IKZF3: variants seen among roughly 807,000 people sequenced by gnomAD.
The protein encoded by IKZF3 is IKAROS family zinc finger 3.
A neutral mutation model predicts 49.0 loss-of-function variants in IKZF3; 10 were observed. The ratio of observed to expected loss-of-function variants is 0.20; its 90% CI spans 0.13 to 0.35. The LOEUF is 0.35. IKZF3 is among the 10% of genes least tolerant of loss of function. The probability of loss-of-function intolerance (pLI) is 1.00; values close to 1 mark genes in which losing one functional copy is unlikely to be tolerated. For missense variants in IKZF3, 498 were observed against 664.8 expected (o/e 0.75, Z 2.76); for synonymous variants, 209 against 228.2 (o/e 0.92, Z 0.76).
chr17:39,837,038 C>A (rs987852959), intron 1 of IKZF3, among the ~76,000 whole-genome samples: 1 of 151,968 alleles, frequency 6.6e-6, no homozygotes, highest in Admixed American at 6.6e-5. Context: ...CTCAAGCAAT[C>A]CTCCCACCTC....
chr17:39,858,570 G>C (rs1303764449), intron 1 of IKZF3, among the ~76,000 whole-genome samples: 2 of 151,978 alleles, frequency 1.3e-5, no homozygotes, highest in African/African-American at 2.4e-5. Flanking sequence ...GAGTGCAGTG[G>C]CGCGATCTTG....
At chr17:39,768,192 G>C (rs946463216) in intron 7 of IKZF3, among the ~76,000 whole-genome samples, 1 of 152,180 alleles carries the variant, frequency 6.6e-6, no homozygotes, top group Non-Finnish European at 1.5e-5. Flanking sequence ...GCATCGGTGA[G>C]ACAATTTGGT....
intron 2 of IKZF3, 70 bp downstream of exon 2, chr17:39,832,028 G>A: frequency 1.8e-6 from 2 of 1,136,330 alleles, no homozygotes; most frequent in Admixed American, 3.8e-5. Flanking sequence ...ACCAGAATAA[G>A]CACATTCCTC....
chr17:39,859,912 C>T (rs2144593921), intron 1 of IKZF3, among the ~76,000 whole-genome samples: 1 of 152,240 alleles, frequency 6.6e-6, no homozygotes, highest in Admixed American at 6.5e-5. Context: ...GGAACTATAG[C>T]TTGACATATG....
chr17:39,810,822 A>G lies in IKZF3; in HGVS notation c.164-17889T>C, dbSNP rs563863761. ...ATTGGGACTGTATCTCCTAATGAGAAGGATAGAGAGGAAATAAGTTATGAA... is the reference window on the plus strand; with the variant it reads ...ATTGGGACTGTATCTCCTAATGAGAGGGATAGAGAGGAAATAAGTTATGAA... On this transcript the variant is annotated intron_variant, in intron 3 of 7. Coordinates refer to ENST00000346872, the MANE Select transcript of IKZF3 (RefSeq NM_012481.5). Among the ~76,000 whole-genome samples, 4 of 152,346 alleles carry G rather than the reference A, an allele frequency of 2.6e-5. No individual in the cohort carries two copies. The South Asian group carries it at 8.3e-4, about 32-fold the overall frequency.
At chr17:39,796,048 G>A (rs902499037) in intron 3 of IKZF3, among the ~76,000 whole-genome samples, 1 of 151,664 alleles carries the variant, frequency 6.6e-6, no homozygotes. Flanking sequence ...TCTCAAAAAA[G>A]ATAAAATAAA....
intron 3 of IKZF3, among the ~76,000 whole-genome samples, chr17:39,805,481 G>T (rs919790807): frequency 1.3e-5 from 2 of 152,126 alleles, no homozygotes; most frequent in Non-Finnish European, 2.9e-5. Flanking sequence ...GAAGACTCTT[G>T]TTCTTTTTAG....
chr17:39,804,754 A>T (rs1427924042), intron 3 of IKZF3, among the ~76,000 whole-genome samples: 1 of 151,862 alleles, frequency 6.6e-6, no homozygotes, highest in Non-Finnish European at 1.5e-5. Flanking sequence ...TGCTTTTTAA[A>T]TCTCTTTCCT....
intron 3 of IKZF3, among the ~76,000 whole-genome samples, chr17:39,802,606 CAAA>C (rs34276646): frequency 6.3e-5 from 6 of 94,778 alleles, no homozygotes; most frequent in Admixed American, 1.2e-4. Flanking sequence ...GACCCTGTCT[CAAA>C]AAAAAAAAAA....
At chr17:39,768,738 T>C (rs2060360317) in intron 7 of IKZF3, among the ~76,000 whole-genome samples, 1 of 152,250 alleles carries the variant, frequency 6.6e-6, no homozygotes, top group African/African-American at 2.4e-5. Context: ...CTGTTTGATT[T>C]GGTTCACATT....
chr17:39,796,048 G>GATAAA (rs1262133945), intron 3 of IKZF3, among the ~76,000 whole-genome samples: 3 of 151,664 alleles, frequency 2.0e-5, no homozygotes, highest in Non-Finnish European at 4.4e-5. Context: ...TCTCAAAAAA[G>GATAAA]ATAAAATAAA....
intron 3 of IKZF3, among the ~76,000 whole-genome samples, chr17:39,816,353 T>G (rs1332130289): frequency 6.6e-6 from 1 of 152,250 alleles, no homozygotes; most frequent in Non-Finnish European, 1.5e-5. Flanking sequence ...TCCTTTCAAG[T>G]GCCAAATCTT....
intron 3 of IKZF3, among the ~76,000 whole-genome samples, chr17:39,798,996 C>T (rs62074923): frequency 2.1e-3 from 315 of 149,060 alleles, no homozygotes; most frequent in South Asian, 4.9e-3. Flanking sequence ...TGTGTGTGTG[C>T]GTGTGTGTGT....
chr17:39,843,247 TG>T (rs1413356749), intron 1 of IKZF3, among the ~76,000 whole-genome samples: 4 of 152,308 alleles, frequency 2.6e-5, no homozygotes, highest in African/African-American at 9.6e-5. Flanking sequence ...ATGATTTTAT[TG>T]TGAAGGCAGG....
At chr17:39,824,167 G>A (rs928965410) in intron 3 of IKZF3, among the ~76,000 whole-genome samples, 4 of 152,244 alleles carry the variant, frequency 2.6e-5, no homozygotes, top group Non-Finnish European at 4.4e-5. Flanking sequence ...ACGTGGATGT[G>A]AGACATGGAG....
At chr17:39,854,611 G>A (rs2062984517) in intron 1 of IKZF3, among the ~76,000 whole-genome samples, 1 of 152,180 alleles carries the variant, frequency 6.6e-6, no homozygotes. Context: ...AATGAGGGAT[G>A]GCTTCCTAAA....
chr17:39,825,936 A>G (rs917936763), intron 3 of IKZF3, among the ~76,000 whole-genome samples: 12 of 152,184 alleles, frequency 7.9e-5, no homozygotes, highest in African/African-American at 2.9e-4. Flanking sequence ...CTTTTCCCCT[A>G]CAATTGACTT....
chr17:39,850,117 C>CTATATGTATATATACTATATAGCATATTA lies in IKZF3; in HGVS notation c.7+13974_7+14002dup, dbSNP rs1332879915. On this transcript the variant is annotated intron_variant, in intron 1 of 7. Coordinates refer to ENST00000346872, the MANE Select transcript of IKZF3 (RefSeq NM_012481.5). ...ATAGCATATTATATATGTATATATA[C>CTATATGTATATATACTATATAGCATATTA]TATATGTATATATACTATATAGCAT... Among the ~76,000 whole-genome samples, 13 of 58,614 alleles carry CTATATGTATATATACTATATAGCATATTA rather than the reference C, an allele frequency of 2.2e-4. No individual in the cohort carries two copies. In the East Asian group the frequency reaches 2.6e-3, roughly 12 times the overall value. 38.5% of individuals were successfully genotyped at this position (58,614 alleles called of 152,430 possible).
At chr17:39,788,395 G>A (rs1290110551) in intron 5 of IKZF3, 21 bp from the exon 6 acceptor site, 2 of 1,493,446 alleles carry the variant, frequency 1.3e-6, no homozygotes, top group Admixed American at 1.7e-5. Flanking sequence ...AACATAAGGG[G>A]CACTCAGTGA....
Sources: allele counts gnomAD v4.1 joint callset (sites outside exome capture counted in the v4.1 genomes callset), GRCh38; gene constraint gnomAD v4.1.1; transcripts MANE v1.5; gene names NCBI Gene and HGNC (gene_info 2026-07-23, HGNC 2026-07-21).